The following ZMYM2 variants were observed in gnomAD, a reference collection of about 807,000 sequenced individuals.
ZMYM2 encodes zinc finger MYM-type containing 2, also known as zinc finger MYM-type protein 2.
A neutral mutation model predicts 162.8 loss-of-function variants in ZMYM2; 56 were observed. The ratio of observed to expected loss-of-function variants is 0.34; its 90% CI spans 0.28 to 0.43. The LOEUF (loss-of-function observed/expected upper bound fraction) is 0.43, where lower values mean the gene tolerates loss of function less well. Among genes scored for constraint, ZMYM2 ranks in the 20% least tolerant of loss-of-function variants. The probability of loss-of-function intolerance (pLI) is 1.00; values close to 1 mark genes in which losing one functional copy is unlikely to be tolerated. For synonymous variants in ZMYM2, 510 were observed against 541.6 expected, an observed-to-expected ratio of 0.94 and a Z score of 0.81; for missense variants, 1,275 against 1,621.8, an observed-to-expected ratio of 0.79 and a Z score of 3.67.
chr13:19,894,936 A>G, the ZMYM2 span, among the ~76,000 whole-genome samples: 1 of 151,682 alleles, frequency 6.6e-6, no homozygotes, highest in Non-Finnish European at 1.5e-5. Flanking sequence ...ATAAAAATAA[A>G]AAATTAGCCA....
Position 20,034,271 on chromosome 13 carries a change from C to T in ZMYM2, c.1986C>T (p.Phe662=), listed in dbSNP as rs1953475015. 6.2e-7 allele frequency: 1 copy of T among 1,602,104 alleles called. No homozygotes were observed. The highest frequency in any genetic ancestry group is 8.5e-7 in the Non-Finnish European group (1 of 1,175,364). The change falls in exon 11 of 25, where the codon TTC becomes TTT. Residue 662 remains phenylalanine (F), a synonymous_variant. Coordinates refer to ENST00000610343, the MANE Select transcript of ZMYM2 (RefSeq NM_197968.4). ...GCATTTAGAACAAAGTGCATCAGTTCTGCAGCAAAACTTGTTCAGATGACT... is the reference window on the plus strand; with the variant it reads ...GCATTTAGAACAAAGTGCATCAGTTTTGCAGCAAAACTTGTTCAGATGACT... ...ILEWENKVHQ[F]CSKTCSDDYK...
At chr13:19,896,392 C>T in the ZMYM2 span, among the ~76,000 whole-genome samples, 7 of 151,356 alleles carry the variant, frequency 4.6e-5, no homozygotes, top group African/African-American at 1.7e-4. Context: ...GATCCGCCCG[C>T]CTCAGCCTCA....
At chr13:19,908,957 A>G in the ZMYM2 span, among the ~76,000 whole-genome samples, 5 of 152,174 alleles carry the variant, frequency 3.3e-5, no homozygotes, top group African/African-American at 1.2e-4. Context: ...TCTAGAACAC[A>G]TTGTGAGAAC....
intron 21 of ZMYM2, among the ~76,000 whole-genome samples, chr13:20,071,369 A>C (rs1269189395): frequency 6.6e-6 from 1 of 152,256 alleles, no homozygotes; most frequent in African/African-American, 2.4e-5. Context: ...AAAGGAACGA[A>C]GCAGCGAAAG....
chr13:20,038,665 T>C (rs1953957744), intron 12 of ZMYM2, among the ~76,000 whole-genome samples: 1 of 152,196 alleles, frequency 6.6e-6, no homozygotes, highest in Admixed American at 6.5e-5. Flanking sequence ...GCTGTTGTGG[T>C]TACTGTATCC....
chr13:20,004,066 T>G (rs563434927), intron 4 of ZMYM2, among the ~76,000 whole-genome samples: 9 of 152,310 alleles, frequency 5.9e-5, no homozygotes, highest in Non-Finnish European at 1.0e-4. Context: ...AGCTCAATTC[T>G]CCGAAGCTAT....
chr13:19,996,970 A>T (rs1474500216), intron 3 of ZMYM2, among the ~76,000 whole-genome samples: 1 of 152,112 alleles, frequency 6.6e-6, no homozygotes, highest in Non-Finnish European at 1.5e-5. Context: ...GGAGTTGGAG[A>T]CTGTAGTGCT....
At chr13:20,068,420 A>G (rs564499648) in intron 21 of ZMYM2, 1 of 163,776 alleles carries the variant, frequency 6.1e-6, no homozygotes, top group East Asian at 1.3e-4. Flanking sequence ...CATTAACCAT[A>G]GAATTTACTA....
intron 7 of ZMYM2, chr13:20,024,645 T>A (rs1188288564): frequency 2.2e-5 from 5 of 224,120 alleles, no homozygotes; most frequent in Non-Finnish European, 3.6e-5. Context: ...TGCTTTGTTT[T>A]TGTCCCTTTT....
At chr13:20,048,667 CTGGGTCAGGATAGGCTGAATGACCTTT>C (rs1486280557) in intron 12 of ZMYM2, among the ~76,000 whole-genome samples, 1 of 151,968 alleles carries the variant, frequency 6.6e-6, no homozygotes, top group Admixed American at 6.6e-5. Context: ...ATGAAAGGGA[CTGGGTCAGGATAGGCTGAATGACCTTT>C]TGCCAGTTAT....
In ZMYM2 at chr13:20,073,820, A is replaced by G. The variant is rs1454061058; in HGVS notation, c.3453+6430A>G. On this transcript the variant is annotated intron_variant, in intron 21 of 24. Transcript: ENST00000610343. ...TAATAAATTATGAAGTATGTCTTAA[A>G]TAGTTTTTTTTTCTCTCAGTTTTTG... 3.4e-5 allele frequency among the ~76,000 whole-genome samples: 5 copies of G among 149,076 alleles called. No individual in the cohort carries two copies. The South Asian group carries it at 1.0e-3, about 31-fold the overall frequency.
At chr13:20,077,544 A>T (rs903966393) in intron 21 of ZMYM2, among the ~76,000 whole-genome samples, 1 of 143,352 alleles carries the variant, frequency 7.0e-6, no homozygotes, top group Admixed American at 6.7e-5. Context: ...AAGTATATAC[A>T]ATGAAAAAGT....
intron 2 of ZMYM2, among the ~76,000 whole-genome samples, chr13:19,977,573 A>C (rs1956901311): frequency 6.6e-6 from 1 of 151,184 alleles, no homozygotes; most frequent in East Asian, 1.9e-4. Context: ...GCTCACTGCA[A>C]GCCCTGCCTC....
rs192848641 is a variant in ZMYM2 at position 19,998,444 on chromosome 13, C to A, written c.848-4406C>A. Among the ~76,000 whole-genome samples, 186 of 152,232 alleles carry A rather than the reference C, an allele frequency of 1.2e-3. 3 individuals are homozygous for A. Among genetic ancestry groups the A allele is most frequent in the Admixed American group, 0.011 (163 of 15,290 alleles). ...AGTGACAAGCCTACAAAATAGAACACCCCGAGGAGCCACTATTTGTGTGGG... is the reference window on the plus strand; with the variant it reads ...AGTGACAAGCCTACAAAATAGAACAACCCGAGGAGCCACTATTTGTGTGGG... On this transcript the variant is annotated intron_variant, in intron 3 of 24. Transcript: ENST00000610343.
chr13:19,987,002 G>A (rs1048888505), intron 2 of ZMYM2, among the ~76,000 whole-genome samples: 3 of 151,006 alleles, frequency 2.0e-5, no homozygotes, highest in South Asian at 2.1e-4. Context: ...CTACTCAGGA[G>A]GCTGAGGCAG....
At chr13:20,057,507 A>G (rs1955889570) in intron 14 of ZMYM2, among the ~76,000 whole-genome samples, 1 of 152,130 alleles carries the variant, frequency 6.6e-6, no homozygotes, top group Non-Finnish European at 1.5e-5. Flanking sequence ...AGGGTACAGT[A>G]AACAGTATGT....
rs370064781 is a variant in ZMYM2, at chr13:20,066,358, G to GC, written c.3133-487dup. Among the ~76,000 whole-genome samples, 163 of 152,000 alleles carry GC rather than the reference G, an allele frequency of 1.1e-3. No homozygotes were observed. The Middle Eastern group carries it at 0.017, about 16-fold the overall frequency. ...GTACTAGTAGCCTACTCTTCACTGA[G>GC]CCCCCCTGCACAGTCAAAAATTCAT... On this transcript the variant is annotated intron_variant, in intron 19 of 24. Coordinates refer to ENST00000610343, the MANE Select transcript of ZMYM2 (RefSeq NM_197968.4).
At chr13:19,930,028 C>A in the ZMYM2 span, among the ~76,000 whole-genome samples, 1 of 152,152 alleles carries the variant, frequency 6.6e-6, no homozygotes. Context: ...GGAGGCTAGG[C>A]AGGAGGATTG....
chr13:20,085,224 C>G (rs1274298966), intron 24 of ZMYM2, among the ~76,000 whole-genome samples: 1 of 152,062 alleles, frequency 6.6e-6, no homozygotes, highest in East Asian at 1.9e-4. Context: ...GTCATTTTGG[C>G]AAAGAGTTTC....
Sources: allele counts gnomAD v4.1 joint callset (sites outside exome capture counted in the v4.1 genomes callset), GRCh38; gene constraint gnomAD v4.1.1; transcripts MANE v1.5; gene names NCBI Gene and HGNC (gene_info 2026-07-23, HGNC 2026-07-21).